The following ADAM12 variants were observed in gnomAD, a reference collection of about 807,000 sequenced individuals.
ADAM12 encodes disintegrin and metalloproteinase domain-containing protein 12.
In ADAM12, 70 loss-of-function variants were observed where a neutral mutation model predicts 106.4. The ratio of observed to expected loss-of-function variants is 0.66; its 90% CI spans 0.54 to 0.80. ADAM12 has a LOEUF of 0.80. Among genes scored for constraint, ADAM12 ranks in the 30% least tolerant of loss-of-function variants. The probability of loss-of-function intolerance (pLI) is 0.00; values close to 1 mark genes in which losing one functional copy is unlikely to be tolerated. For missense variants in ADAM12, 1,010 were observed against 1,171.9 expected (o/e 0.86, Z 2.02); for synonymous variants, 420 against 433.5 (o/e 0.97, Z 0.39).
chr10:126,308,843 C>T (rs555309404), intron 2 of ADAM12, among the ~76,000 whole-genome samples: 25 of 152,156 alleles, frequency 1.6e-4, no homozygotes, highest in African/African-American at 2.7e-4. Flanking sequence ...CCTTTAATAT[C>T]GTATCCATTG....
At chr10:126,238,709 G>A (rs1264736226) in intron 3 of ADAM12, among the ~76,000 whole-genome samples, 3 of 152,084 alleles carry the variant, frequency 2.0e-5, no homozygotes, top group African/African-American at 4.8e-5. Context: ...CCAAGAACAC[G>A]TACAATATTA....
intron 4 of ADAM12, among the ~76,000 whole-genome samples, chr10:126,141,964 C>T (rs1340006403): frequency 3.3e-5 from 5 of 152,148 alleles, no homozygotes; most frequent in African/African-American, 1.2e-4. Context: ...TTAGCCAGCC[C>T]CTTCCCTGAA....
chr10:126,041,826 C>G, intron 18 of ADAM12: 1 of 1,191,276 alleles, frequency 8.4e-7, no homozygotes, highest in Non-Finnish European at 1.0e-6. Flanking sequence ...GAGTCCTCTT[C>G]CTCCTTGCTG....
Position 126,036,245 on chromosome 10 carries a change from C to T in ADAM12, c.2430G>A (p.Gln810=), listed in dbSNP as rs145948818. Residue 810 remains glutamine, a synonymous_variant, in exon 21 of 23, where the codon CAG becomes CAA. Transcript: ENST00000448723. ...GGGGAGGAAGCACTCGCTGAGTTGA[C>T]TGGGGCTGAGGGACATTCAGGCCGT... The part of the protein sequence containing the change: ...PLNGLNVPQP[Q]STQRVLPPLH... 34 of 1,553,980 alleles carry T rather than the reference C, an allele frequency of 2.2e-5. No homozygotes were observed. In the African/African-American group the frequency reaches 4.8e-4, roughly 22 times the overall value.
chr10:126,221,707 T>C lies in ADAM12; in HGVS notation c.260+57208A>G, dbSNP rs369429017. 1.3e-3 allele frequency among the ~76,000 whole-genome samples: 200 copies of C among 152,306 alleles called. 3 individuals are homozygous for C. The South Asian group carries it at 0.04, about 30-fold the overall frequency. On this transcript the variant is annotated intron_variant, in intron 3 of 22. Coordinates refer to ENST00000448723, the MANE Select transcript of ADAM12 (RefSeq NM_001288973.2). The stretch of plus-strand genomic sequence containing the variant: ...CCGAGGAGACAGAGGTGCTGAAATC[T>C]GTCACAGGGGGCAAGAAGCAGGTCT...
intron 2 of ADAM12, among the ~76,000 whole-genome samples, chr10:126,307,328 G>A (rs9422968): frequency 0.065 from 9,849 of 152,006 alleles, 418 homozygotes; most frequent in Admixed American, 0.11. Flanking sequence ...TGGTGGCTCT[G>A]TTTTTTTCTC....
chr10:126,205,908 C>T (rs915349774), intron 3 of ADAM12, among the ~76,000 whole-genome samples: 1 of 152,122 alleles, frequency 6.6e-6, no homozygotes, highest in African/African-American at 2.4e-5. Flanking sequence ...GACAAAACAT[C>T]ACTGGTATCT....
intron 8 of ADAM12, among the ~76,000 whole-genome samples, chr10:126,103,871 G>C (rs1407652916): frequency 2.0e-5 from 3 of 152,218 alleles, no homozygotes; most frequent in Admixed American, 1.3e-4. Flanking sequence ...GTGGCAGAGA[G>C]AGCAAAGATT....
chr10:126,350,622 T>C (rs576134845), intron 1 of ADAM12, among the ~76,000 whole-genome samples: 34 of 152,344 alleles, frequency 2.2e-4, no homozygotes, highest in African/African-American at 7.0e-4. Flanking sequence ...GCTGTGTCTG[T>C]TGTCAGTGGC....
At chr10:126,359,993 A>G (rs933906497) in intron 1 of ADAM12, among the ~76,000 whole-genome samples, 19 of 152,206 alleles carry the variant, frequency 1.2e-4, no homozygotes, top group African/African-American at 4.3e-4. Context: ...GTGTACCCAC[A>G]GGCTCAACAC....
intron 1 of ADAM12, among the ~76,000 whole-genome samples, chr10:126,344,461 C>T (rs1319742394): frequency 6.6e-6 from 1 of 152,114 alleles, no homozygotes; most frequent in Non-Finnish European, 1.5e-5. Flanking sequence ...TAGTCTGATG[C>T]CTCCAGTTTT....
chr10:126,212,546 CTTTATTTTAT>C (rs140637903), intron 3 of ADAM12, among the ~76,000 whole-genome samples: 13 of 151,746 alleles, frequency 8.6e-5, no homozygotes, highest in African/African-American at 1.5e-4. Flanking sequence ...CTTCATTCCT[CTTTATTTTAT>C]TTTATTTTAT....
intron 11 of ADAM12, among the ~76,000 whole-genome samples, chr10:126,077,887 A>G (rs1955133975): frequency 6.6e-6 from 1 of 152,166 alleles, no homozygotes; most frequent in Non-Finnish European, 1.5e-5. Flanking sequence ...GCTCTAAGAT[A>G]GTCTCATTTG....
intron 6 of ADAM12, among the ~76,000 whole-genome samples, 167 bp from the exon 7 acceptor site, chr10:126,110,007 CTT>C (rs1186455508): frequency 6.6e-6 from 1 of 152,132 alleles, no homozygotes; most frequent in African/African-American, 2.4e-5. Context: ...CCAACCAACT[CTT>C]TGTAAAACCT....
In ADAM12 at chr10:126,373,009, A is replaced by C. The variant is rs185539866; in HGVS notation, c.88+15049T>G. 2.0e-5 allele frequency among the ~76,000 whole-genome samples: 3 copies of C among 152,328 alleles called. No homozygotes were observed. In the East Asian group the frequency reaches 5.8e-4, roughly 29 times the overall value. ...TAGTGAATTGAATAGACTAAATCTG[A>C]CATGTCCAAATTTTAGTGGCAAATC... On this transcript the variant is annotated intron_variant, in intron 1 of 22. Coordinates refer to ENST00000448723, the MANE Select transcript of ADAM12 (RefSeq NM_001288973.2).
rs1245020018 is a variant in ADAM12 at position 126,316,777 on chromosome 10, C to T, written c.186+13635G>A. ...CCAGCATTGGTGACAGAGTGAGACC[C>T]TATCTCAAAAAAAAAAAAAAAAAAG... On this transcript the variant is annotated intron_variant, in intron 2 of 22. Coordinates refer to ENST00000448723, the MANE Select transcript of ADAM12 (RefSeq NM_001288973.2). Among the ~76,000 whole-genome samples, 12 of 136,770 alleles carry T rather than the reference C, an allele frequency of 8.8e-5. No homozygotes were observed. The Admixed American group carries it at 9.2e-4, about 11-fold the overall frequency. 89.7% of individuals were successfully genotyped at this position (136,770 alleles called of 152,430 possible).
At chr10:126,210,889 G>A (rs899497063) in intron 3 of ADAM12, among the ~76,000 whole-genome samples, 2 of 152,164 alleles carry the variant, frequency 1.3e-5, no homozygotes, top group Non-Finnish European at 2.9e-5. Context: ...ATTTATGGGT[G>A]GCTTCCAGGT....
chr10:126,230,960 T>C (rs1459301943), intron 3 of ADAM12, among the ~76,000 whole-genome samples: 6 of 152,204 alleles, frequency 3.9e-5, no homozygotes, highest in East Asian at 3.8e-4. Context: ...TTGTGTCCTA[T>C]GTAAATTATA....
intron 3 of ADAM12, among the ~76,000 whole-genome samples, chr10:126,241,637 G>A (rs1207263223): frequency 6.6e-6 from 1 of 152,212 alleles, no homozygotes; most frequent in Non-Finnish European, 1.5e-5. Flanking sequence ...GGCAAACTGA[G>A]CCTGAACGCT....
Sources: allele counts gnomAD v4.1 joint callset (sites outside exome capture counted in the v4.1 genomes callset), GRCh38; gene constraint gnomAD v4.1.1; transcripts MANE v1.5; gene names NCBI Gene and HGNC (gene_info 2026-07-23, HGNC 2026-07-21).